KRT85: variants seen among roughly 807,000 people sequenced by gnomAD.
The protein encoded by KRT85 is keratin 85, also known as keratin, type II cuticular Hb5.
KRT85 carries 39 observed loss-of-function variants against 53.7 expected under a neutral mutation model. The ratio of observed to expected loss-of-function variants is 0.73; its 90% confidence interval spans 0.56 to 0.95. The LOEUF is 0.95. KRT85 is among the 40% of genes least tolerant of loss of function. The pLI, the probability that KRT85 is intolerant of heterozygous loss-of-function variation, is 0.00. For synonymous variants in KRT85, 291 were observed against 277.5 expected, an observed-to-expected ratio of 1.05 and a Z score of -0.48; for missense variants, 668 against 686.0, an observed-to-expected ratio of 0.97 and a Z score of 0.29.
chr12:52,364,588 T>G (rs1939245009), intron 2 of KRT85: 1 of 1,444,466 alleles, frequency 6.9e-7, no homozygotes, highest in East Asian at 2.5e-5. Flanking sequence ...GGGTTAGGAA[T>G]GCACATTCCT....
chr12:52,363,923 G>A, intron 4 of KRT85, 145 bp downstream of exon 4: 2 of 756,372 alleles, frequency 2.6e-6, no homozygotes, highest in Non-Finnish European at 4.8e-6. Flanking sequence ...TGTATTGTGG[G>A]CCCCAGCACG....
chr12:52,360,800 C>T lies in KRT85; in HGVS notation c.*53G>A. 2 of 1,528,664 alleles carry T rather than the reference C, an allele frequency of 1.3e-6. No homozygotes were observed. Among genetic ancestry groups the T allele is most frequent in the Non-Finnish European group, 1.8e-6 (2 of 1,103,812 alleles). The allele number at this position is 1,528,664 out of a possible 1,614,324, so 94.7% of individuals were successfully genotyped here. A position where few individuals can be genotyped will look rare whatever the true frequency, so the allele number is the denominator to read the frequency against. On this transcript the variant is annotated 3_prime_UTR_variant, in exon 9 of 9. Coordinates refer to ENST00000257901, the MANE Select transcript of KRT85 (RefSeq NM_002283.4). Reference sequence around the variant, plus strand: ...TTTTCCATTCACATGCCATTCAGTGCAGTGATGCAGGCAGGCAGGTGCTTG... The same window carrying T: ...TTTTCCATTCACATGCCATTCAGTGTAGTGATGCAGGCAGGCAGGTGCTTG...
rs61731784 is a variant in KRT85 at position 52,367,292 on chromosome 12, G to A, written c.114C>T (p.Pro38=). The A allele has an allele frequency of 4.3e-4, 694 of 1,613,242 alleles. 2 individuals are homozygous for A. The African/African-American group carries it at 8.4e-3, about 19-fold the overall frequency. Residue 38 remains proline (P), a synonymous_variant, in exon 1 of 9, where the codon CCC becomes CCT. Transcript: ENST00000257901. ...TGNRCCISAA[P]YRGVSCYRGL... ...CTCGGTAGCAGGACACCCCTCGGTA[G>A]GGGGCGGCGCTGATGCAGCAGCGGT...
chr12:52,363,245 C>T lies in KRT85; in HGVS notation c.951+1G>A, dbSNP rs758196560. ...GCAGGCAGGTGTCCTGTGCCACTCA[C>T]CTTGCTACGGTACCAGGACTCAGCC... On this transcript the variant is annotated splice_donor_variant, in intron 5 of 8. Coordinates refer to ENST00000257901, the MANE Select transcript of KRT85 (RefSeq NM_002283.4). LOFTEE classifies it high-confidence loss of function. The T allele has an allele frequency of 6.2e-7, 1 of 1,614,216 alleles. No individual in the cohort carries two copies. The highest frequency in any genetic ancestry group is 8.5e-7 in the Non-Finnish European group (1 of 1,180,024).
intron 1 of KRT85, among the ~76,000 whole-genome samples, chr12:52,366,326 C>T (rs1481175463): frequency 2.0e-5 from 3 of 152,232 alleles, no homozygotes; most frequent in Non-Finnish European, 4.4e-5. Context: ...GACTATTTGC[C>T]ATCATGTTTC....
In KRT85 at chr12:52,364,247, C is replaced by T. The variant is rs1939238885; in HGVS notation, c.690+59G>A. 3.7e-6 allele frequency: 6 copies of T among 1,613,338 alleles called. No homozygotes were observed. In the East Asian group the frequency reaches 1.1e-4, roughly 30 times the overall value. On this transcript the variant is annotated intron_variant, in intron 3 of 8. Transcript: ENST00000257901. ...CTTTGGTCAGCATGGTGACCCTGCC[C>T]CTCGCTGGAGTTTGCACTGATGGGC...
Position 52,367,280 on chromosome 12 carries a change from C to T in KRT85, c.126G>A (p.Val42=), listed in dbSNP as rs1293548848. Residue 42 remains valine, a synonymous_variant, in exon 1 of 9, where the codon GTG becomes GTA. Transcript: ENST00000257901. ...CCISAAPYRG[V]SCYRGLTGFG... is the part of the protein sequence containing the mutation. ...AGCCCGTCAGCCCTCGGTAGCAGGA[C>T]ACCCCTCGGTAGGGGGCGGCGCTGA... 1 of 1,612,706 alleles carries T rather than the reference C, an allele frequency of 6.2e-7. No individual in the cohort carries two copies. The highest frequency in any genetic ancestry group is 1.3e-5 in the African/African-American group (1 of 75,054).
At chr12:52,363,951 C>T in intron 4 of KRT85, 117 bp downstream of exon 4, 1 of 855,650 alleles carries the variant, frequency 1.2e-6, no homozygotes, top group Non-Finnish European at 2.0e-6. Context: ...AAGCTCTTTT[C>T]ACACTTACAT....
chr12:52,364,170 G>A lies in KRT85; in HGVS notation c.691-7C>T, dbSNP rs181979326. The A allele has an allele frequency of 2.8e-4, 454 of 1,614,042 alleles. 1 individual carries two copies. In the African/African-American group the frequency reaches 5.3e-3, roughly 19 times the overall value. On this transcript the variant is annotated splice_region_variant and splice_polypyrimidine_tract_variant and intron_variant, in intron 3 of 8. Coordinates refer to ENST00000257901, the MANE Select transcript of KRT85 (RefSeq NM_002283.4). ...GGTAGGCACAGTCCACGTCCTGGCC[G>A]TGGGACAAAGAGGAGGGGACATGCA...
At chr12:52,363,679 A>C (rs1261147062) in intron 4 of KRT85, among the ~76,000 whole-genome samples, 2 of 152,328 alleles carry the variant, frequency 1.3e-5, no homozygotes, top group East Asian at 3.9e-4. Flanking sequence ...GTCACCCAGC[A>C]GGGGAGCTGG....
intron 4 of KRT85, among the ~76,000 whole-genome samples, chr12:52,363,709 G>T (rs1337705966): frequency 6.6e-6 from 1 of 152,216 alleles, no homozygotes; most frequent in Non-Finnish European, 1.5e-5. Flanking sequence ...GCTAGGATGA[G>T]TGATTAGTCA....
At chr12:52,366,944 C>G in intron 1 of KRT85, 42 bp downstream of exon 1, 1 of 1,613,942 alleles carries the variant, frequency 6.2e-7, no homozygotes, top group Non-Finnish European at 8.5e-7. Flanking sequence ...CAAGGGAGGA[C>G]AGGGCTGGAG....
At chr12:52,361,108 A>T (rs1289657969) in intron 8 of KRT85, 62 bp from the exon 9 acceptor site, 3 of 1,434,160 alleles carry the variant, frequency 2.1e-6, no homozygotes, top group African/African-American at 2.8e-5. Context: ...ACCCTACAAC[A>T]GGCCCCAGGG....
chr12:52,365,690 A>G (rs1329476885), intron 1 of KRT85, among the ~76,000 whole-genome samples: 1 of 152,178 alleles, frequency 6.6e-6, no homozygotes, highest in Non-Finnish European at 1.5e-5. Flanking sequence ...CTATGTCTAT[A>G]TCATCTAACT....
chr12:52,363,143 T>A, intron 5 of KRT85, 103 bp downstream of exon 5: 1 of 1,558,778 alleles, frequency 6.4e-7, no homozygotes, highest in Non-Finnish European at 8.8e-7. Flanking sequence ...TCTCATACTG[T>A]CCTCATGGGT....
rs1479264201 is a variant in KRT85, at chr12:52,362,409, A to G, written c.1140T>C (p.Asp380=). 2.5e-6 allele frequency: 4 copies of G among 1,614,042 alleles called. No individual in the cohort carries two copies. The highest frequency in any genetic ancestry group is 1.3e-5 in the African/African-American group (1 of 74,930). ...CCAGCTCAGCCAGCTTGCAGCGGGC[A>G]TCGCTGAGGGCCGCCTCACCCTGCT... ...AEQQGEAALS[D]ARCKLAELEG... The change falls in exon 7 of 9, where the codon GAT becomes GAC. Residue 380 remains aspartate (D), a synonymous_variant. Coordinates refer to ENST00000257901, the MANE Select transcript of KRT85 (RefSeq NM_002283.4).
Position 52,367,190 on chromosome 12 carries a change from T to C in KRT85, c.216A>G (p.Arg72=), listed in dbSNP as rs769219093. The C allele has an allele frequency of 2.4e-5, 39 of 1,613,690 alleles. No individual in the cohort carries two copies. Among genetic ancestry groups the C allele is most frequent in the Non-Finnish European group, 3.1e-5 (36 of 1,179,964 alleles). Residue 72 remains arginine, a synonymous_variant, in exon 1 of 9, where the codon CGA becomes CGG. Transcript: ENST00000257901. ...CGAAGCTGCGTCCGCAGGAGCCGGC[T>C]CGGAAGCCACCTACAGCTATCCGGG... ...CGPRIAVGGF[R]AGSCGRSFGY...
intron 2 of KRT85, 198 bp from the exon 3 acceptor site, chr12:52,364,564 C>CT: frequency 1.4e-6 from 2 of 1,460,960 alleles, no homozygotes; most frequent in Non-Finnish European, 1.8e-6. Context: ...CGCAGTCCTT[C>CT]TGCCTCTGAG....
rs373376889 is a variant in KRT85 at position 52,360,903 on chromosome 12, G to A, written c.1474C>T (p.Arg492Cys). 1.1e-5 allele frequency: 17 copies of A among 1,612,402 alleles called. No individual in the cohort carries two copies. The highest frequency in any genetic ancestry group is 5.0e-5 in the Admixed American group (3 of 60,008). ...APDSCAPCQP[R>C]SSSFSCGSSR... ...CTCCCGCAGCTGAAGCTGGAGGAAC[G>A]AGGCTGGCAGGGGGCACAGGAGTCA... The change falls in exon 9 of 9, where the codon CGT becomes TGT. Residue 492 changes from arginine to cysteine, a missense_variant. Around this residue, in one of 3 missense-constraint regions of KRT85, gnomAD observed 488 missense variants for 498.1 expected, o/e 0.98. Coordinates refer to ENST00000257901, the MANE Select transcript of KRT85 (RefSeq NM_002283.4).
Sources: gnomAD v4.1 joint callset for allele counts (sites outside exome capture counted in the v4.1 genomes callset) on GRCh38, gnomAD v4.1.1 for gene constraint, gnomAD v4.1.1 regional missense constraint, MANE v1.5 for transcripts, NCBI Gene and HGNC (gene_info 2026-07-23, HGNC 2026-07-21) for gene names.